The following LAMA2 variants were observed in gnomAD, a reference collection of about 807,000 sequenced individuals.
The protein encoded by LAMA2 is laminin subunit alpha 2.
In LAMA2, 269 loss-of-function variants were observed where a neutral mutation model predicts 364.8. That is an observed-to-expected ratio of 0.74 (90% CI 0.67 to 0.82). The LOEUF (loss-of-function observed/expected upper bound fraction) is 0.82, where lower values mean the gene tolerates loss of function less well. Among genes scored for constraint, LAMA2 ranks in the 40% least tolerant of loss-of-function variants. The pLI is 0.00. For missense variants in LAMA2, 3,807 were observed against 3,873.2 expected, an observed-to-expected ratio of 0.98 and a Z score of 0.45; for synonymous variants, 1,379 against 1,370.6, an observed-to-expected ratio of 1.01 and a Z score of -0.14.
In LAMA2 at chr6:129,486,552, G is replaced by A. The variant is rs200710385; in HGVS notation, c.7828G>A (p.Val2610Met). 8.7e-6 allele frequency: 14 copies of A among 1,613,988 alleles called. No individual in the cohort carries two copies. The highest frequency in any genetic ancestry group is 1.3e-5 in the African/African-American group (1 of 75,026). ...AGGGGCACGAACAATGAGGAAAATTGTGATCAGACCAGAGCCGAATCTGTT... is the reference window on the plus strand; with the variant it reads ...AGGGGCACGAACAATGAGGAAAATTATGATCAGACCAGAGCCGAATCTGTT... Reference protein sequence around the residue: ...STGARTMRKIVIRPEPNLFHD... With the variant: ...STGARTMRKIMIRPEPNLFHD... Residue 2610 changes from valine to methionine, a missense_variant, in exon 56 of 65, where the codon GTG becomes ATG. Transcript: ENST00000421865.
rs1779693131 is a variant in LAMA2, at chr6:129,397,035, A to G, written c.5445+3780A>G. ...AGAAAATAAAAGAAAACAATAATAG[A>G]CAGGAAGATAGCTTTTGCAGGTTCC... On this transcript the variant is annotated intron_variant, in intron 37 of 64. Coordinates refer to ENST00000421865, the MANE Select transcript of LAMA2 (RefSeq NM_000426.4). Among the ~76,000 whole-genome samples, 4 of 151,774 alleles carry G rather than the reference A, an allele frequency of 2.6e-5. No homozygotes were observed. In the South Asian group the frequency reaches 8.3e-4, roughly 32 times the overall value.
chr6:129,364,753 G>A (rs531510183), intron 32 of LAMA2, among the ~76,000 whole-genome samples: 14 of 152,184 alleles, frequency 9.2e-5, no homozygotes, highest in African/African-American at 2.4e-4. Context: ...GTCCATTTTC[G>A]TATTGCTATA....
chr6:129,062,189 A>C (rs1357832352), intron 3 of LAMA2, among the ~76,000 whole-genome samples: 1 of 152,170 alleles, frequency 6.6e-6, no homozygotes, highest in Non-Finnish European at 1.5e-5. Flanking sequence ...GGCAACAGAG[A>C]AAATGTGGAC....
intron 1 of LAMA2, among the ~76,000 whole-genome samples, chr6:129,023,541 G>A (rs1425125345): frequency 6.6e-6 from 1 of 152,164 alleles, no homozygotes; most frequent in Admixed American, 6.5e-5. Context: ...CTATACCTGA[G>A]TGTCAGCAAA....
intron 41 of LAMA2, among the ~76,000 whole-genome samples, chr6:129,428,457 A>T (rs1340243815): frequency 3.9e-5 from 6 of 152,132 alleles, no homozygotes; most frequent in Non-Finnish European, 8.8e-5. Context: ...AAAATTAAAT[A>T]CATTTTTCTT....
chr6:128,982,248 CCTGT>C (rs1262385359), intron 1 of LAMA2, among the ~76,000 whole-genome samples: 21 of 152,118 alleles, frequency 1.4e-4, no homozygotes, highest in African/African-American at 5.1e-4. Flanking sequence ...TACTTTTCTG[CCTGT>C]CTTAGAGGCA....
chr6:129,170,256 G>C (rs1025677898), intron 9 of LAMA2, among the ~76,000 whole-genome samples: 5 of 146,032 alleles, frequency 3.4e-5, no homozygotes, highest in African/African-American at 1.3e-4. Context: ...TGTGATGTTA[G>C]GGTGTCAATT....
At chr6:128,895,981 A>G (rs1439260768) in intron 1 of LAMA2, among the ~76,000 whole-genome samples, 3 of 151,894 alleles carry the variant, frequency 2.0e-5, no homozygotes, top group Non-Finnish European at 2.9e-5. Context: ...TCTTTTTCTT[A>G]TTTGTTGGGA....
chr6:129,195,718 T>C (rs1011493830), intron 12 of LAMA2, among the ~76,000 whole-genome samples: 13 of 152,140 alleles, frequency 8.5e-5, no homozygotes, highest in Non-Finnish European at 1.8e-4. Flanking sequence ...GCTTGGCAAA[T>C]GTTAATGCTT....
intron 1 of LAMA2, among the ~76,000 whole-genome samples, chr6:129,020,142 C>T (rs551838757): frequency 9.4e-5 from 14 of 148,722 alleles, no homozygotes; most frequent in South Asian, 2.1e-4. Flanking sequence ...TAGGGCAGGA[C>T]GAAAGGTGAT....
In LAMA2 at chr6:128,931,220, A is replaced by T. The variant is rs76482642; in HGVS notation, c.112+47863A>T. ...ATTTATCATAAAGGATACAGGTAAA[A>T]GTTCTGTGAAATTGTTTAAAAAATA... On this transcript the variant is annotated intron_variant, in intron 1 of 64. Transcript: ENST00000421865. 4.6e-3 allele frequency among the ~76,000 whole-genome samples: 700 copies of T among 152,338 alleles called. 5 individuals carry two copies. The highest frequency in any genetic ancestry group is 7.9e-3 in the Non-Finnish European group (537 of 68,030).
rs1214741203 is a variant in LAMA2 at position 129,514,611 on chromosome 6, C to T, written c.9211+16C>T. ...GGCTTCCCAGGTGAGTGTTGGCTACCCCAGCAACAATTTCTTTGCTCTCTT... is the reference window on the plus strand; with the variant it reads ...GGCTTCCCAGGTGAGTGTTGGCTACTCCAGCAACAATTTCTTTGCTCTCTT... On this transcript the variant is annotated intron_variant, in intron 64 of 64. Transcript: ENST00000421865. 1.3e-6 allele frequency: 2 copies of T among 1,586,286 alleles called. No individual in the cohort carries two copies. Among genetic ancestry groups the T allele is most frequent in the Non-Finnish European group, 1.7e-6 (2 of 1,155,228 alleles).
intron 1 of LAMA2, among the ~76,000 whole-genome samples, chr6:128,970,400 A>G (rs1210105588): frequency 6.6e-6 from 1 of 152,190 alleles, no homozygotes; most frequent in Non-Finnish European, 1.5e-5. Flanking sequence ...TCTATGTTAT[A>G]TGACCTACGA....
At chr6:129,354,286 G>C (rs1263275519) in intron 32 of LAMA2, among the ~76,000 whole-genome samples, 4 of 152,008 alleles carry the variant, frequency 2.6e-5, no homozygotes, top group African/African-American at 9.7e-5. Context: ...ACACCAAAAA[G>C]TTAAGACTGG....
At chr6:129,515,522 C>T (rs1786982773) in intron 64 of LAMA2, among the ~76,000 whole-genome samples, 1 of 152,148 alleles carries the variant, frequency 6.6e-6, no homozygotes, top group African/African-American at 2.4e-5. Context: ...GAAACAAGCA[C>T]CTCTATAATA....
At chr6:129,077,268 A>T (rs1390588099) in intron 3 of LAMA2, among the ~76,000 whole-genome samples, 1 of 152,158 alleles carries the variant, frequency 6.6e-6, no homozygotes, top group African/African-American at 2.4e-5. Context: ...TTACTTAATG[A>T]TTCTGGAAAT....
At chr6:128,941,634 TAAATG>T (rs767676452) in intron 1 of LAMA2, among the ~76,000 whole-genome samples, 37 of 151,396 alleles carry the variant, frequency 2.4e-4, no homozygotes, top group African/African-American at 4.9e-5. Flanking sequence ...ACAAAAAAAA[TAAATG>T]ACATTCTGGA....
At chr6:129,218,051 A>G (rs557288731) in intron 12 of LAMA2, among the ~76,000 whole-genome samples, 176 of 152,270 alleles carry the variant, frequency 1.2e-3, no homozygotes, top group African/African-American at 3.9e-3. Context: ...AAGTGCAGAA[A>G]CTATCTGTAA....
At position 129,342,413 on chromosome 6, in the gene LAMA2, G is replaced by T; in HGVS notation, c.4382G>T (p.Gly1461Val). 1 of 1,613,370 alleles carries T rather than the reference G, an allele frequency of 6.2e-7. No homozygotes were observed. Among genetic ancestry groups the T allele is most frequent in the Non-Finnish European group, 8.5e-7 (1 of 1,179,428 alleles). ...CTTGGATACTATGGAATTGTCAAGGGATTGCCAAATGACTGTCAGCAATGT... is the reference window on the plus strand; with the variant it reads ...CTTGGATACTATGGAATTGTCAAGGTATTGCCAAATGACTGTCAGCAATGT... ...CALGYYGIVK[G>V]LPNDCQQCAC... The change falls in exon 30 of 65, where the codon GGA (glycine) becomes GTA (valine). Residue 1461 changes from glycine (G) to valine (V), a missense_variant. By Grantham distance (109) the Gly-to-Val change is moderately radical (BLOSUM62 -3). Transcript: ENST00000421865.
Sources: allele counts gnomAD v4.1 joint callset (sites outside exome capture counted in the v4.1 genomes callset), GRCh38; gene constraint gnomAD v4.1.1; transcripts MANE v1.5; gene names NCBI Gene and HGNC (gene_info 2026-07-23, HGNC 2026-07-21).